DNAH14: variants seen among roughly 807,000 people sequenced by gnomAD.
The protein encoded by DNAH14 is dynein axonemal heavy chain 14, also known as axonemal beta dynein heavy chain 14.
DNAH14 carries 478 observed loss-of-function variants against 520.9 expected under a neutral mutation model. The ratio of observed to expected loss-of-function variants is 0.92; its 90% confidence interval spans 0.85 to 0.99. The LOEUF (loss-of-function observed/expected upper bound fraction) is 0.99. DNAH14 is among the 50% of genes least tolerant of loss of function. The pLI, the probability that DNAH14 is intolerant of heterozygous loss-of-function variation, is 0.00. For synonymous variants in DNAH14, 1,581 were observed against 1,757.2 expected (o/e 0.90, Z 2.51); for missense variants, 4,831 against 5,234.5 (o/e 0.92, Z 2.38).
chr1:225,092,319 TC>T (rs1330110633), intron 21 of DNAH14, among the ~76,000 whole-genome samples: 2 of 151,938 alleles, frequency 1.3e-5, no homozygotes, highest in Admixed American at 1.3e-4. Context: ...AATAGTTAAA[TC>T]ATACCAACCA....
chr1:225,075,423 A>G (rs1572888316), intron 17 of DNAH14, among the ~76,000 whole-genome samples: 1 of 152,292 alleles, frequency 6.6e-6, no homozygotes, highest in East Asian at 1.9e-4. Flanking sequence ...AGCTGCTTCT[A>G]GTCAGCCATC....
At chr1:225,149,606 A>G (rs1390006069) in intron 31 of DNAH14, among the ~76,000 whole-genome samples, 2 of 151,984 alleles carry the variant, frequency 1.3e-5, no homozygotes, top group African/African-American at 4.8e-5. Flanking sequence ...AGTGTTTTGT[A>G]GTTTTCCTTA....
chr1:225,307,009 AACT>A lies in DNAH14; in HGVS notation c.9006-451_9006-449del, dbSNP rs1476703619. On this transcript the variant is annotated intron_variant, in intron 58 of 85. Coordinates refer to ENST00000682510, the MANE Select transcript of DNAH14 (RefSeq NM_001367479.1). ...TATCTGGTTCTCTTTCCCACCCCGA[AACT>A]TATAATTAAATATTCTGTTTAAATG... Among the ~76,000 whole-genome samples the A allele has an allele frequency of 4.6e-5, 7 of 152,204 alleles. No homozygotes were observed. In the South Asian group the frequency reaches 1.5e-3, roughly 32 times the overall value.
chr1:224,974,277 G>A (rs1433693719), intron 8 of DNAH14, 124 bp downstream of exon 8: 7 of 538,498 alleles, frequency 1.3e-5, no homozygotes, highest in Admixed American at 4.3e-5. Flanking sequence ...ATTGCTTTAC[G>A]ATTAAACTTA....
chr1:225,140,548 G>T (rs2079349104), intron 27 of DNAH14, among the ~76,000 whole-genome samples: 1 of 152,092 alleles, frequency 6.6e-6, no homozygotes. Context: ...AAGAATATAA[G>T]ACTTAGGAAG....
chr1:225,369,117 TATA>T lies in DNAH14; in HGVS notation c.12318+1088_12318+1090del, dbSNP rs147603976. ...TAAAAGTCACCTTTAATAGAAACAG[TATA>T]ATGTCTAAATTAACAAAGAAAAAAA... On this transcript the variant is annotated intron_variant, in intron 77 of 85. Coordinates refer to ENST00000682510, the MANE Select transcript of DNAH14 (RefSeq NM_001367479.1). Among the ~76,000 whole-genome samples the T allele has an allele frequency of 1.6e-3, 244 of 151,934 alleles. 5 individuals are homozygous for T. The East Asian group carries it at 0.019, about 12-fold the overall frequency.
intron 66 of DNAH14, among the ~76,000 whole-genome samples, chr1:225,335,500 TGTACAC>T (rs1558430635): frequency 2.0e-5 from 3 of 148,666 alleles, no homozygotes; most frequent in Non-Finnish European, 4.5e-5. Flanking sequence ...CGTGTGTACA[TGTACAC>T]ATATACATAT....
chr1:225,335,626 T>C (rs111205886), intron 66 of DNAH14, among the ~76,000 whole-genome samples: 10 of 112,162 alleles, frequency 8.9e-5, no homozygotes, highest in Admixed American at 1.9e-4. Flanking sequence ...TATACGCATA[T>C]ATACATATGT....
chr1:225,115,856 T>C (rs1439355858), intron 23 of DNAH14, among the ~76,000 whole-genome samples: 2 of 152,188 alleles, frequency 1.3e-5, no homozygotes, highest in African/African-American at 4.8e-5. Flanking sequence ...AAAGACATAT[T>C]CCCTGCTATT....
chr1:224,949,416 CT>C (rs1243760165), intron 1 of DNAH14, among the ~76,000 whole-genome samples: 1 of 152,080 alleles, frequency 6.6e-6, no homozygotes, highest in Non-Finnish European at 1.5e-5. Flanking sequence ...ATTTGTTGGA[CT>C]TTATGAAACT....
chr1:225,053,983 TAC>T (rs1287043852), intron 17 of DNAH14, among the ~76,000 whole-genome samples: 7 of 152,136 alleles, frequency 4.6e-5, no homozygotes, highest in Non-Finnish European at 1.0e-4. Context: ...ACCAGGAAAT[TAC>T]AGTTGTTGGG....
intron 76 of DNAH14, 111 bp from the exon 77 acceptor site, chr1:225,367,694 T>C: frequency 1.4e-6 from 1 of 735,300 alleles, no homozygotes. Flanking sequence ...ATCTTGAAAA[T>C]AGTTACATTC....
At chr1:225,198,610 T>G (rs1478360550) in intron 38 of DNAH14, among the ~76,000 whole-genome samples, 1 of 152,186 alleles carries the variant, frequency 6.6e-6, no homozygotes, top group African/African-American at 2.4e-5. Context: ...GATCTTGTGA[T>G]TTTTGTTTTT....
At chr1:225,387,682 G>A (rs976796021) in intron 81 of DNAH14, among the ~76,000 whole-genome samples, 5 of 152,086 alleles carry the variant, frequency 3.3e-5, no homozygotes, top group South Asian at 2.1e-4. Flanking sequence ...AATGAGCGCC[G>A]TCAAAAGCTG....
intron 8 of DNAH14, among the ~76,000 whole-genome samples, chr1:224,996,084 T>A (rs149991379): frequency 1.1e-3 from 172 of 152,224 alleles, no homozygotes; most frequent in African/African-American, 4.0e-3. Flanking sequence ...TTGGGAGGTG[T>A]CATGATTTCC....
intron 60 of DNAH14, among the ~76,000 whole-genome samples, chr1:225,314,158 C>G (rs532864496): frequency 1.3e-5 from 2 of 152,128 alleles, no homozygotes; most frequent in Non-Finnish European, 2.9e-5. Flanking sequence ...ATAGTTAGCT[C>G]TTCTTGCTGC....
chr1:225,129,832 C>A (rs1432104824), intron 27 of DNAH14, among the ~76,000 whole-genome samples: 1 of 152,114 alleles, frequency 6.6e-6, no homozygotes, highest in African/African-American at 2.4e-5. Flanking sequence ...TCTAATTAAA[C>A]TAAAGAGCTT....
chr1:224,984,183 A>G (rs962350270), intron 8 of DNAH14, among the ~76,000 whole-genome samples: 1 of 152,234 alleles, frequency 6.6e-6, no homozygotes, highest in Non-Finnish European at 1.5e-5. Context: ...TGGTACTGGT[A>G]TAAAAATAGG....
intron 21 of DNAH14, among the ~76,000 whole-genome samples, chr1:225,087,869 G>C (rs148715847): frequency 7.2e-5 from 11 of 152,328 alleles, no homozygotes; most frequent in African/African-American, 2.4e-4. Context: ...GAGAAAATTA[G>C]AGGGAACAAT....
Sources: gnomAD v4.1 joint callset for allele counts (sites outside exome capture counted in the v4.1 genomes callset) on GRCh38, gnomAD v4.1.1 for gene constraint, MANE v1.5 for transcripts, NCBI Gene and HGNC (gene_info 2026-07-23, HGNC 2026-07-21) for gene names.